ANKRD31: variants seen among roughly 807,000 people sequenced by gnomAD.
The protein encoded by ANKRD31 is ankyrin repeat domain 31.
ANKRD31 carries 147 observed loss-of-function variants against 186.0 expected under a neutral mutation model. That is an observed-to-expected ratio of 0.79 (90% CI 0.69 to 0.91). ANKRD31 has a LOEUF of 0.91. ANKRD31 is among the 40% of genes least tolerant of loss of function. The probability of loss-of-function intolerance (pLI) is 0.00; values close to 1 mark genes in which losing one functional copy is unlikely to be tolerated. For synonymous variants in ANKRD31, 673 were observed against 736.4 expected, an observed-to-expected ratio of 0.91 and a Z score of 1.39; for missense variants, 1,986 against 2,148.8, an observed-to-expected ratio of 0.92 and a Z score of 1.50.
chr5:75,080,723 G>A, intron 24 of ANKRD31, 84 bp from the exon 25 acceptor site: 4 of 715,016 alleles, frequency 5.6e-6, no homozygotes, highest in East Asian at 3.1e-5. Flanking sequence ...TCACCCTACC[G>A]ATGGGAAATA....
At chr5:75,118,503 A>G (rs1174554196) in intron 17 of ANKRD31, among the ~76,000 whole-genome samples, 3 of 152,188 alleles carry the variant, frequency 2.0e-5, no homozygotes, top group Non-Finnish European at 2.9e-5. Flanking sequence ...AACCAAACAC[A>G]AAGACATGAA....
chr5:75,084,265 TACATACCTGGAAG>T lies in ANKRD31; in HGVS notation c.5569_5575+6del. On this transcript the variant is annotated splice_donor_variant and splice_donor_5th_base_variant and coding_sequence_variant and intron_variant, in exon 24 of 26. Transcript: ENST00000506364. LOFTEE classifies it high-confidence loss of function. ...CAACGAAGAAATGAGTGTTGTTCTG[TACATACCTGGAAG>T]ACAAGGTTGATATTGCTGAGGTACT... 1 of 1,528,964 alleles carries T rather than the reference TACATACCTGGAAG, an allele frequency of 6.5e-7. No individual in the cohort carries two copies. Among genetic ancestry groups the T allele is most frequent in the Non-Finnish European group, 8.8e-7 (1 of 1,139,374 alleles). The allele number at this position is 1,528,964 out of a possible 1,614,324, so 94.7% of individuals were successfully genotyped here.
chr5:75,160,158 T>C (rs1259103868), intron 11 of ANKRD31, among the ~76,000 whole-genome samples: 2 of 152,086 alleles, frequency 1.3e-5, no homozygotes, highest in Non-Finnish European at 2.9e-5. Context: ...ATATATTGTA[T>C]TTATAAAATA....
chr5:75,135,845 C>T (rs1750529191), intron 17 of ANKRD31, among the ~76,000 whole-genome samples: 1 of 152,028 alleles, frequency 6.6e-6, no homozygotes, highest in South Asian at 2.1e-4. Context: ...CAGAACAGAG[C>T]CCTCAGAAAT....
At position 75,116,650 on chromosome 5, in the gene ANKRD31, A is replaced by T. The variant is rs376943018; in HGVS notation, c.4071T>A (p.His1357Gln). The T allele has an allele frequency of 3.3e-5, 48 of 1,448,190 alleles. No homozygotes were observed. Among genetic ancestry groups the T allele is most frequent in the Non-Finnish European group, 4.2e-5 (46 of 1,093,214 alleles). The allele number at this position is 1,448,190 out of a possible 1,614,324, so 89.7% of individuals were successfully genotyped here. ...EKIPAVRSKR[H>Q]KQCFCDDGKT... ...TGCCATCATCACAAAAACACTGTTT[A>T]TGTCTTTTAGACCGGACAGCAGGAA... The change falls in exon 19 of 26, where the codon CAT (histidine) becomes CAA (glutamine). Residue 1357 changes from histidine to glutamine, a missense_variant. Physicochemically the swap from His to Gln is conservative, Grantham distance 24. Coordinates refer to ENST00000506364, the MANE Select transcript of ANKRD31 (RefSeq NM_001372053.1).
intron 22 of ANKRD31, among the ~76,000 whole-genome samples, chr5:75,092,321 C>G (rs568542421): frequency 6.6e-6 from 1 of 152,288 alleles, no homozygotes; most frequent in East Asian, 1.9e-4. Flanking sequence ...CTGGCAGGAG[C>G]CTTCCTAGGT....
At chr5:75,210,582 C>T (rs1300857) in intron 4 of ANKRD31, among the ~76,000 whole-genome samples, 14,950 of 152,218 alleles carry the variant, frequency 0.098, 975 homozygotes, top group Non-Finnish European at 0.15. Context: ...TAAATTTGCA[C>T]CTTCAAGCTA....
chr5:75,103,058 A>T (rs1747037401), intron 22 of ANKRD31, among the ~76,000 whole-genome samples: 2 of 151,828 alleles, frequency 1.3e-5, no homozygotes, highest in Non-Finnish European at 2.9e-5. Flanking sequence ...CCATCTTGGA[A>T]CCTCCAATCC....
chr5:75,178,774 A>G (rs932743117), intron 10 of ANKRD31, among the ~76,000 whole-genome samples: 4 of 152,248 alleles, frequency 2.6e-5, no homozygotes, highest in African/African-American at 7.2e-5. Context: ...TGCCCACAAG[A>G]GAAAGCAGGA....
At chr5:75,069,915 G>C (rs963032925) in intron 25 of ANKRD31, among the ~76,000 whole-genome samples, 13 of 152,260 alleles carry the variant, frequency 8.5e-5, no homozygotes, top group Middle Eastern at 6.8e-3. Context: ...GAGAAGAAAG[G>C]CTATTAGGAT....
intron 3 of ANKRD31, among the ~76,000 whole-genome samples, chr5:75,220,517 C>G (rs1757226087): frequency 6.6e-6 from 1 of 151,910 alleles, no homozygotes; most frequent in Non-Finnish European, 1.5e-5. Context: ...TGGTGCATGC[C>G]TGTAATTCCA....
intron 11 of ANKRD31, among the ~76,000 whole-genome samples, chr5:75,156,526 C>T (rs2150162912): frequency 6.6e-6 from 1 of 152,278 alleles, no homozygotes; most frequent in East Asian, 1.9e-4. Context: ...ATGTCTTCAT[C>T]TCTAGAACTT....
intron 3 of ANKRD31, among the ~76,000 whole-genome samples, chr5:75,214,969 T>C (rs535512588): frequency 2.6e-5 from 4 of 152,244 alleles, no homozygotes; most frequent in South Asian, 4.1e-4. Context: ...TTATAAGGAA[T>C]TGGCTCCCAC....
chr5:75,117,849 A>G (rs1378873936), intron 18 of ANKRD31, among the ~76,000 whole-genome samples: 3 of 152,154 alleles, frequency 2.0e-5, no homozygotes, highest in Admixed American at 2.0e-4. Flanking sequence ...CCTGGCTTCA[A>G]TTACATCTCT....
At chr5:75,102,808 C>T (rs573527776) in intron 22 of ANKRD31, among the ~76,000 whole-genome samples, 4 of 152,212 alleles carry the variant, frequency 2.6e-5, no homozygotes, top group African/African-American at 4.8e-5. Context: ...GGGAGTGTCC[C>T]GATTTTCCAG....
At chr5:75,144,563 C>G (rs1200844698) in intron 14 of ANKRD31, among the ~76,000 whole-genome samples, 5 of 152,046 alleles carry the variant, frequency 3.3e-5, no homozygotes, top group Non-Finnish European at 7.4e-5. Context: ...AAACTGGAAC[C>G]CTTCCTTACC....
intron 10 of ANKRD31, among the ~76,000 whole-genome samples, chr5:75,183,344 T>A (rs535735251): frequency 6.6e-6 from 1 of 152,116 alleles, no homozygotes; most frequent in Admixed American, 6.6e-5. Context: ...GTTTTTCCTT[T>A]AAGATCTGGA....
intron 17 of ANKRD31, among the ~76,000 whole-genome samples, chr5:75,119,304 C>G (rs1356434303): frequency 6.6e-6 from 1 of 152,152 alleles, no homozygotes; most frequent in Non-Finnish European, 1.5e-5. Context: ...TCTTTATGAT[C>G]ATGTGTACCC....
At chr5:75,191,105 T>G (rs1042247916) in intron 9 of ANKRD31, among the ~76,000 whole-genome samples, 1 of 152,284 alleles carries the variant, frequency 6.6e-6, no homozygotes, top group African/African-American at 2.4e-5. Flanking sequence ...CACACCAAGG[T>G]TACAGAAAGA....
Sources: allele counts gnomAD v4.1 joint callset (sites outside exome capture counted in the v4.1 genomes callset), GRCh38; gene constraint gnomAD v4.1.1; transcripts MANE v1.5; gene names NCBI Gene and HGNC (gene_info 2026-07-23, HGNC 2026-07-21).